The following CAMKMT variants were observed in gnomAD, a reference collection of about 807,000 sequenced individuals.
CAMKMT encodes CaM KMT.
CAMKMT carries 53 observed loss-of-function variants against 48.0 expected under a neutral mutation model. The observed-to-expected ratio is 1.10, with a 90% confidence interval of 0.89 to 1.39. The LOEUF (loss-of-function observed/expected upper bound fraction) is 1.39. Ranked by LOEUF, CAMKMT falls within the 40% of genes most tolerant of loss-of-function variation. The pLI is 0.00. For missense variants in CAMKMT, 428 were observed against 402.7 expected (o/e 1.06, Z -0.54); for synonymous variants, 165 against 152.3 (o/e 1.08, Z -0.61).
At chr2:44,735,324 G>C (rs999904825) in intron 7 of CAMKMT, among the ~76,000 whole-genome samples, 4 of 152,160 alleles carry the variant, frequency 2.6e-5, no homozygotes, top group African/African-American at 7.2e-5. Context: ...TTTAATTGGA[G>C]CGTTCAGACC....
chr2:44,586,203 G>A (rs956525104), intron 3 of CAMKMT, among the ~76,000 whole-genome samples: 1 of 152,138 alleles, frequency 6.6e-6, no homozygotes, highest in African/African-American at 2.4e-5. Flanking sequence ...TCCAAAATCT[G>A]ATAGGGTTTC....
intron 10 of CAMKMT, among the ~76,000 whole-genome samples, chr2:44,769,837 G>T (rs1681029995): frequency 6.6e-6 from 1 of 152,142 alleles, no homozygotes; most frequent in Non-Finnish European, 1.5e-5. Context: ...CTTATAATCT[G>T]TGTGGTGTGC....
chr2:44,622,391 C>G (rs910231246), intron 3 of CAMKMT, among the ~76,000 whole-genome samples: 2 of 152,102 alleles, frequency 1.3e-5, no homozygotes, highest in Non-Finnish European at 2.9e-5. Flanking sequence ...AGGTTTGTTA[C>G]AAAGACATAT....
rs1379890428 is a variant in CAMKMT at position 44,772,020 on chromosome 2, C to T, written c.895-16C>T. The T allele has an allele frequency of 1.3e-6, 2 of 1,584,256 alleles. No individual in the cohort carries two copies. Among genetic ancestry groups the T allele is most frequent in the African/African-American group, 1.3e-5 (1 of 74,166 alleles). On this transcript the variant is annotated splice_polypyrimidine_tract_variant and intron_variant, in intron 10 of 10. Coordinates refer to ENST00000378494, the MANE Select transcript of CAMKMT (RefSeq NM_024766.5). ...TTGGAGTCCCCTTACCTTTTTCTTT[C>T]TATTATTGTTTTCAGTTGAAAAAGG... is the stretch of plus-strand genomic sequence containing the variant.
intron 7 of CAMKMT, among the ~76,000 whole-genome samples, chr2:44,720,726 A>G (rs1187484451): frequency 1.3e-5 from 2 of 152,166 alleles, no homozygotes; most frequent in Non-Finnish European, 2.9e-5. Flanking sequence ...GATTGTGTCT[A>G]TTTGTACAAC....
At chr2:44,674,045 A>G (rs1468225300) in intron 3 of CAMKMT, among the ~76,000 whole-genome samples, 1 of 152,200 alleles carries the variant, frequency 6.6e-6, no homozygotes, top group Admixed American at 6.5e-5. Flanking sequence ...ACCTAAAGAA[A>G]AAAAGAAGTT....
rs141269797 is a variant in CAMKMT, at chr2:44,466,472, G to T, written c.376+76167G>T. Among the ~76,000 whole-genome samples the T allele has an allele frequency of 3.3e-5, 5 of 152,136 alleles. No homozygotes were observed. The East Asian group carries it at 9.7e-4, about 29-fold the overall frequency. On this transcript the variant is annotated intron_variant, in intron 3 of 10. Transcript: ENST00000378494. ...CAGAGAAATTAGAAAACATCTGAAG[G>T]CAAATGAAAACGAATACACAACATA...
intron 3 of CAMKMT, among the ~76,000 whole-genome samples, chr2:44,401,923 T>G (rs1237978202): frequency 6.6e-6 from 1 of 152,194 alleles, no homozygotes; most frequent in Non-Finnish European, 1.5e-5. Context: ...ATTCCATGGC[T>G]TCCTTTTTGT....
chr2:44,678,361 T>G (rs1048286845), intron 3 of CAMKMT, among the ~76,000 whole-genome samples: 3 of 152,222 alleles, frequency 2.0e-5, no homozygotes, highest in African/African-American at 7.2e-5. Context: ...TCTCTAAATG[T>G]GACTGTGTAT....
At chr2:44,716,167 G>T (rs1193878490) in intron 7 of CAMKMT, among the ~76,000 whole-genome samples, 3 of 152,044 alleles carry the variant, frequency 2.0e-5, no homozygotes, top group Non-Finnish European at 4.4e-5. Context: ...TAAATTAATT[G>T]TTTTCTTTAT....
intron 3 of CAMKMT, among the ~76,000 whole-genome samples, chr2:44,482,691 T>C (rs926318072): frequency 6.6e-6 from 1 of 152,020 alleles, no homozygotes; most frequent in African/African-American, 2.4e-5. Flanking sequence ...TACTTCACCC[T>C]AGGAGGGCCC....
chr2:44,606,813 C>CT (rs1385227742), intron 3 of CAMKMT, among the ~76,000 whole-genome samples: 1 of 151,070 alleles, frequency 6.6e-6, no homozygotes, highest in Non-Finnish European at 1.5e-5. Flanking sequence ...ATGTGACCCC[C>CT]CCCCCACCAA....
chr2:44,583,186 G>A (rs1669660322), intron 3 of CAMKMT, among the ~76,000 whole-genome samples: 2 of 152,104 alleles, frequency 1.3e-5, no homozygotes, highest in South Asian at 4.1e-4. Context: ...AAAATGGACT[G>A]GATATTCATT....
chr2:44,736,359 C>G (rs890301872), intron 7 of CAMKMT, among the ~76,000 whole-genome samples: 2 of 152,144 alleles, frequency 1.3e-5, no homozygotes, highest in African/African-American at 4.8e-5. Flanking sequence ...TTCTAACTTG[C>G]ATATTCCTCA....
chr2:44,374,117 C>CA (rs59922847), intron 2 of CAMKMT, among the ~76,000 whole-genome samples: 1,810 of 66,344 alleles, frequency 0.027, 171 homozygotes, highest in African/African-American at 0.083. Flanking sequence ...GACTCTGCCT[C>CA]AAAAAAAAAA....
intron 3 of CAMKMT, among the ~76,000 whole-genome samples, chr2:44,594,662 C>T (rs575031436): frequency 1.3e-5 from 2 of 152,274 alleles, no homozygotes; most frequent in South Asian, 4.1e-4. Flanking sequence ...AAAATTAACT[C>T]AAGATGGATT....
intron 3 of CAMKMT, among the ~76,000 whole-genome samples, chr2:44,449,553 A>G (rs368596848): frequency 5.3e-5 from 8 of 152,082 alleles, no homozygotes; most frequent in African/African-American, 1.9e-4. Context: ...TTAACCTTTT[A>G]TCATGTCATA....
intron 3 of CAMKMT, among the ~76,000 whole-genome samples, chr2:44,507,783 A>G (rs1670336295): frequency 6.6e-6 from 1 of 152,290 alleles, no homozygotes; most frequent in South Asian, 2.1e-4. Context: ...CTTGTACCAG[A>G]ATTAAATCAA....
chr2:44,387,578 T>G (rs1019047222), intron 2 of CAMKMT, among the ~76,000 whole-genome samples: 1 of 152,010 alleles, frequency 6.6e-6, no homozygotes, highest in African/African-American at 2.4e-5. Context: ...AGTACTTTGT[T>G]TTTTTTTGTT....
Sources: allele counts gnomAD v4.1 joint callset (sites outside exome capture counted in the v4.1 genomes callset), GRCh38; gene constraint gnomAD v4.1.1; transcripts MANE v1.5; gene names NCBI Gene and HGNC (gene_info 2026-07-23, HGNC 2026-07-21).